Variants in ENOX1 observed in about 807,000 individuals in gnomAD.
The protein encoded by ENOX1 is candidate growth-related and time keeping constitutive hydroquinone (NADH) oxidase.
ENOX1 carries 42 observed loss-of-function variants against 82.5 expected under a neutral mutation model. The observed-to-expected ratio is 0.51, with a 90% CI of 0.40 to 0.66. The LOEUF (loss-of-function observed/expected upper bound fraction) is 0.66. Among genes scored for constraint, ENOX1 ranks in the 30% least tolerant of loss-of-function variants. The pLI, the probability that ENOX1 is intolerant of heterozygous loss-of-function variation, is 0.00. For missense variants in ENOX1, 608 were observed against 811.6 expected, an observed-to-expected ratio of 0.75 and a Z score of 3.05; for synonymous variants, 271 against 282.2, an observed-to-expected ratio of 0.96 and a Z score of 0.40.
chr13:43,381,998 C>A (rs1594242959), intron 5 of ENOX1, among the ~76,000 whole-genome samples: 1 of 151,964 alleles, frequency 6.6e-6, no homozygotes, highest in South Asian at 2.1e-4. Context: ...AAAGGGTATA[C>A]CTTCCAATTT....
rs576747711 is a variant in ENOX1, at chr13:43,640,291, C to T, written c.-219+27188G>A. ...AGGGTGTTCATTATCATCTCTAATT[C>T]CACTGCTCCTCAATTCCAGGATGCA... On this transcript the variant is annotated intron_variant, in intron 2 of 16. Transcript: ENST00000690772. Among the ~76,000 whole-genome samples, 5 of 152,230 alleles carry T rather than the reference C, an allele frequency of 3.3e-5. No homozygotes were observed. In the South Asian group the frequency reaches 1.0e-3, roughly 32 times the overall value.
At chr13:43,767,799 C>A (rs1283538268) in intron 1 of ENOX1, among the ~76,000 whole-genome samples, 3 of 152,210 alleles carry the variant, frequency 2.0e-5, no homozygotes, top group Non-Finnish European at 4.4e-5. Flanking sequence ...CAAACATGGG[C>A]AGTGCATAGC....
At chr13:43,322,271 A>C (rs1593923494) in intron 11 of ENOX1, 113 bp downstream of exon 11, 3 of 720,446 alleles carry the variant, frequency 4.2e-6, no homozygotes, top group South Asian at 2.3e-5. Context: ...CAAAGATGAA[A>C]GTTTAGTATA....
intron 3 of ENOX1, among the ~76,000 whole-genome samples, chr13:43,435,877 G>C (rs1375457733): frequency 6.6e-6 from 1 of 151,126 alleles, no homozygotes; most frequent in African/African-American, 2.4e-5. Context: ...TTCATCTGGG[G>C]TATCAAGAAA....
Position 43,322,514 on chromosome 13 carries a change from G to T in ENOX1, c.1144-13C>A. On this transcript the variant is annotated splice_polypyrimidine_tract_variant and intron_variant, in intron 10 of 16. Transcript: ENST00000690772. The stretch of plus-strand genomic sequence containing the variant: ...CATTCCGGAGCTCCTGCAAGTAGAG[G>T]ATACACAAATGTCAGAGTCACAGAC... 1 of 1,608,702 alleles carries T rather than the reference G, an allele frequency of 6.2e-7. No homozygotes were observed. Among genetic ancestry groups the T allele is most frequent in the South Asian group, 1.1e-5 (1 of 90,492 alleles).
intron 11 of ENOX1, among the ~76,000 whole-genome samples, chr13:43,300,498 G>A (rs2046512129): frequency 1.3e-5 from 2 of 152,178 alleles, no homozygotes; most frequent in Admixed American, 6.5e-5. Flanking sequence ...CCAAGAACTT[G>A]GAAAGGATGT....
intron 3 of ENOX1, among the ~76,000 whole-genome samples, chr13:43,423,283 C>G (rs544492344): frequency 1.1e-4 from 16 of 151,698 alleles, no homozygotes; most frequent in Non-Finnish European, 1.9e-4. Context: ...AATACACAGA[C>G]CATAAAAAAA....
At chr13:43,338,628 C>T (rs1170794818) in intron 9 of ENOX1, among the ~76,000 whole-genome samples, 2 of 151,410 alleles carry the variant, frequency 1.3e-5, no homozygotes, top group South Asian at 4.2e-4. Flanking sequence ...AGAAAAATCG[C>T]CCTACACAGA....
At chr13:43,626,333 C>T (rs927412613) in intron 2 of ENOX1, among the ~76,000 whole-genome samples, 1 of 151,736 alleles carries the variant, frequency 6.6e-6, no homozygotes, top group Non-Finnish European at 1.5e-5. Flanking sequence ...TTGACTTCTG[C>T]TCTTATCTTT....
chr13:43,629,515 T>C (rs929868957), intron 2 of ENOX1, among the ~76,000 whole-genome samples: 2 of 152,200 alleles, frequency 1.3e-5, no homozygotes, highest in African/African-American at 2.4e-5. Flanking sequence ...GTTTGTTCTA[T>C]ATGGAATGTC....
intron 1 of ENOX1, among the ~76,000 whole-genome samples, chr13:43,738,286 T>C (rs949011820): frequency 6.6e-6 from 1 of 152,152 alleles, no homozygotes; most frequent in African/African-American, 2.4e-5. Flanking sequence ...TAACAATATG[T>C]AGTTATAGAG....
intron 10 of ENOX1, among the ~76,000 whole-genome samples, chr13:43,323,858 C>G (rs2047953250): frequency 6.6e-6 from 1 of 152,172 alleles, no homozygotes; most frequent in Non-Finnish European, 1.5e-5. Context: ...CTCCTTAGCT[C>G]ACAGATTTTA....
At chr13:43,403,850 A>G (rs1219274007) in intron 5 of ENOX1, among the ~76,000 whole-genome samples, 1 of 151,672 alleles carries the variant, frequency 6.6e-6, no homozygotes, top group East Asian at 1.9e-4. Flanking sequence ...AAAAAAAAAA[A>G]TAAATAAATA....
chr13:43,310,047 CA>C (rs1432047805), intron 11 of ENOX1, among the ~76,000 whole-genome samples: 7 of 151,824 alleles, frequency 4.6e-5, no homozygotes, highest in Admixed American at 2.0e-4. Flanking sequence ...ACTAAAAATA[CA>C]AAAAATTAGC....
intron 1 of ENOX1, among the ~76,000 whole-genome samples, chr13:43,759,508 A>G (rs1271589843): frequency 6.6e-6 from 1 of 152,132 alleles, no homozygotes; most frequent in Admixed American, 6.5e-5. Context: ...TCAACCCCTC[A>G]TGCTATACTG....
In ENOX1 at chr13:43,547,496, T is replaced by C. The variant is rs1386880983; in HGVS notation, c.-218-63344A>G. 3 of 152,178 alleles carry C rather than the reference T, an allele frequency of 2.0e-5. No homozygotes were observed. In the East Asian group the frequency reaches 5.8e-4, roughly 29 times the overall value. The allele number at this position is 152,178 out of a possible 1,614,324, so 9.4% of individuals were successfully genotyped here. ...GTGTGAAGATAAAAGTTATCTTTGA[T>C]AGAAAAAGGTAACTGATAAAGACAT... is the stretch of plus-strand genomic sequence containing the variant. On this transcript the variant is annotated intron_variant, in intron 2 of 16. Transcript: ENST00000690772.
intron 2 of ENOX1, chr13:43,545,220 G>A (rs907352094): frequency 6.6e-6 from 1 of 152,126 alleles, no homozygotes; most frequent in Non-Finnish European, 1.5e-5. Flanking sequence ...AAATAAAACA[G>A]GCCAGTCATG....
intron 2 of ENOX1, among the ~76,000 whole-genome samples, chr13:43,619,104 G>A (rs766931378): frequency 4.6e-5 from 7 of 151,384 alleles, no homozygotes; most frequent in Admixed American, 2.0e-4. Context: ...TGGAAACTTC[G>A]CTGGATTCTT....
chr13:43,415,836 C>G (rs1466633600), intron 3 of ENOX1, among the ~76,000 whole-genome samples: 1 of 150,556 alleles, frequency 6.6e-6, no homozygotes, highest in African/African-American at 2.4e-5. Flanking sequence ...ACGGGGTGGC[C>G]GGGCAGAGAC....
Sources: allele counts gnomAD v4.1 joint callset (sites outside exome capture counted in the v4.1 genomes callset), GRCh38; gene constraint gnomAD v4.1.1; transcripts MANE v1.5; gene names NCBI Gene and HGNC (gene_info 2026-07-23, HGNC 2026-07-21).